DPP6: variants seen among roughly 807,000 people sequenced by gnomAD.
DPP6 encodes dipeptidyl peptidase like 6, also known as A-type potassium channel modulatory protein DPP6.
Under a neutral mutation model 122.6 loss-of-function variants are expected in DPP6, and 69 were observed. That is an observed-to-expected ratio of 0.56 (90% CI 0.46 to 0.69). DPP6 has a LOEUF of 0.69. DPP6 is among the 30% of genes least tolerant of loss of function. DPP6 has a pLI of 0.00. For synonymous variants in DPP6, 418 were observed against 433.1 expected (o/e 0.97, Z 0.43); for missense variants, 928 against 1,116.9 (o/e 0.83, Z 2.41).
chr7:154,081,948 T>G (rs1380539302), intron 1 of DPP6, among the ~76,000 whole-genome samples: 1 of 152,180 alleles, frequency 6.6e-6, no homozygotes, highest in Non-Finnish European at 1.5e-5. Flanking sequence ...ACCTCTTTCT[T>G]GGGGACGTCT....
intron 1 of DPP6, among the ~76,000 whole-genome samples, chr7:154,130,823 A>C (rs145616962): frequency 2.6e-5 from 4 of 151,456 alleles, no homozygotes; most frequent in South Asian, 4.2e-4. Flanking sequence ...CTCCACAATA[A>C]AAAAAAATAA....
chr7:154,311,756 C>T (rs991100618), intron 1 of DPP6, among the ~76,000 whole-genome samples: 13 of 152,158 alleles, frequency 8.5e-5, no homozygotes, highest in African/African-American at 2.9e-4. Flanking sequence ...TTCTACATCC[C>T]GGGTAGGCCC....
In DPP6 at chr7:154,839,732, G is replaced by A. The variant is rs563765762; in HGVS notation, c.1667-14048G>A. 5.9e-5 allele frequency among the ~76,000 whole-genome samples: 9 copies of A among 152,320 alleles called. No homozygotes were observed. The East Asian group carries it at 1.5e-3, about 26-fold the overall frequency. On this transcript the variant is annotated intron_variant, in intron 16 of 25. Coordinates refer to ENST00000377770, the MANE Select transcript of DPP6 (RefSeq NM_130797.4). ...AGCAGGAAGACTGGGAGGGAAGAGC[G>A]GGTGCTCAGGCAAAGAACAGCACAG... is the stretch of plus-strand genomic sequence containing the variant.
chr7:154,438,338 C>T (rs1161832814), intron 1 of DPP6, among the ~76,000 whole-genome samples: 5 of 151,286 alleles, frequency 3.3e-5, no homozygotes, highest in African/African-American at 1.2e-4. Context: ...GGCGTGGTGG[C>T]GGGAGCCTGT....
intron 1 of DPP6, among the ~76,000 whole-genome samples, chr7:154,436,972 C>A (rs780936059): frequency 1.3e-5 from 2 of 152,144 alleles, no homozygotes; most frequent in Non-Finnish European, 2.9e-5. Context: ...TTCATTCATG[C>A]TGTGCATGTA....
chr7:154,824,340 C>T (rs1800001009), intron 16 of DPP6, among the ~76,000 whole-genome samples: 2 of 152,170 alleles, frequency 1.3e-5, no homozygotes, highest in Non-Finnish European at 2.9e-5. Flanking sequence ...AGTGCAGTGG[C>T]GAGACCTCGG....
At chr7:154,638,720 G>T (rs1835882154) in intron 6 of DPP6, among the ~76,000 whole-genome samples, 2 of 152,334 alleles carry the variant, frequency 1.3e-5, no homozygotes, top group Middle Eastern at 3.4e-3. Context: ...CACATGTTGA[G>T]TCAGACACAG....
rs931248011 is a variant in DPP6, at chr7:154,755,877, C to A, written c.884-13540C>A. 5.9e-5 allele frequency among the ~76,000 whole-genome samples: 9 copies of A among 152,078 alleles called. No individual in the cohort carries two copies. Among genetic ancestry groups the A allele is most frequent in the African/African-American group, 1.9e-4 (8 of 41,396 alleles). ...TCTGTCTTCATCGTGTGTCTTGGGT[C>A]CCCCTTCGTAATGATACTGTCCTCA... On this transcript the variant is annotated intron_variant, in intron 8 of 25. Transcript: ENST00000377770. The surrounding 1 kb of genome is among the most constrained non-coding windows in gnomAD (Gnocchi z 4.7).
intron 3 of DPP6, among the ~76,000 whole-genome samples, chr7:154,490,360 G>A (rs570394040): frequency 1.3e-5 from 2 of 152,296 alleles, no homozygotes; most frequent in South Asian, 2.1e-4. Context: ...AGTGCAGCCC[G>A]TGGCTACATC....
At chr7:154,549,650 C>G (rs6969351) in intron 4 of DPP6, among the ~76,000 whole-genome samples, 72,001 of 152,010 alleles carry the variant, frequency 0.47, 17,528 homozygotes, top group African/African-American at 0.56. Flanking sequence ...TCTCTGCTTA[C>G]GTTAGAAGGG....
At chr7:154,619,332 A>G (rs970978052) in intron 5 of DPP6, among the ~76,000 whole-genome samples, 3 of 152,228 alleles carry the variant, frequency 2.0e-5, no homozygotes, top group African/African-American at 7.2e-5. Flanking sequence ...TCGTAGCGTT[A>G]CCTATTGCTG....
At chr7:153,827,705 G>T in the DPP6 span, among the ~76,000 whole-genome samples, 2 of 152,058 alleles carry the variant, frequency 1.3e-5, no homozygotes, top group African/African-American at 4.8e-5. Flanking sequence ...GTGCCACAAG[G>T]AGAAGTCGAC....
intron 21 of DPP6, chr7:154,883,950 T>TTA (rs1805782550): frequency 8.4e-6 from 1 of 119,076 alleles, no homozygotes; most frequent in African/African-American, 3.2e-5. Flanking sequence ...ACATACACGC[T>TTA]GACACATGCT....
intron 6 of DPP6, among the ~76,000 whole-genome samples, chr7:154,644,593 C>G (rs532141558): frequency 5.3e-5 from 8 of 152,250 alleles, no homozygotes; most frequent in African/African-American, 1.7e-4. Flanking sequence ...TAGGCTTTGG[C>G]TGTGCAGAGC....
intron 9 of DPP6, among the ~76,000 whole-genome samples, chr7:154,772,600 G>A (rs908872458): frequency 1.3e-5 from 2 of 152,130 alleles, no homozygotes; most frequent in Admixed American, 6.5e-5. Flanking sequence ...TGCCAAACCG[G>A]GGAGTTGGGT....
At chr7:154,288,419 G>A (rs932840096) in intron 1 of DPP6, among the ~76,000 whole-genome samples, 4 of 152,196 alleles carry the variant, frequency 2.6e-5, no homozygotes, top group Non-Finnish European at 5.9e-5. Context: ...GAGGACTCCA[G>A]GAAAAACTCG....
intron 1 of DPP6, among the ~76,000 whole-genome samples, chr7:153,901,434 A>G (rs1455318095): frequency 6.6e-6 from 1 of 152,250 alleles, no homozygotes; most frequent in Non-Finnish European, 1.5e-5. Flanking sequence ...CTCTTTTCCC[A>G]GACCACCATA....
intron 1 of DPP6, among the ~76,000 whole-genome samples, chr7:154,020,289 A>G (rs2129051669): frequency 6.6e-6 from 1 of 151,572 alleles, no homozygotes; most frequent in East Asian, 1.9e-4. Context: ...CCACTGTGGG[A>G]TGTGGTGCAG....
chr7:154,612,387 T>C (rs151285584), intron 5 of DPP6, among the ~76,000 whole-genome samples: 2 of 152,352 alleles, frequency 1.3e-5, no homozygotes, highest in East Asian at 3.9e-4. Flanking sequence ...TTCAAGAATG[T>C]TATATAAACA....
Sources: allele counts gnomAD v4.1 joint callset (sites outside exome capture counted in the v4.1 genomes callset), GRCh38; gene constraint gnomAD v4.1.1; non-coding constraint Gnocchi (gnomAD v3.1); transcripts MANE v1.5; gene names NCBI Gene and HGNC (gene_info 2026-07-23, HGNC 2026-07-21).